NAA20: variants seen among roughly 807,000 people sequenced by gnomAD.
The protein encoded by NAA20 is N-alpha-acetyltransferase 20.
A neutral mutation model predicts 23.8 loss-of-function variants in NAA20; 24 were observed. That is an observed-to-expected ratio of 1.01 (90% CI 0.73 to 1.42). The LOEUF is 1.42. NAA20 is among the 40% of genes most tolerant of loss of function. The pLI is 0.00. For synonymous variants in NAA20, 83 were observed against 77.7 expected (o/e 1.07, Z -0.36); for missense variants, 166 against 223.1 (o/e 0.74, Z 1.63).
At chr20:20,018,009 G>A (rs2043243099) in intron 1 of NAA20, 2 of 1,614,118 alleles carry the variant, frequency 1.2e-6, no homozygotes, top group Non-Finnish European at 1.7e-6. Context: ...ACTGATCACT[G>A]CGTCCCCTGC....
intron 1 of NAA20, chr20:20,018,010 C>A (rs755543439): frequency 1.9e-6 from 3 of 1,614,060 alleles, no homozygotes; most frequent in African/African-American, 2.7e-5. Context: ...CTGATCACTG[C>A]GTCCCCTGCA....
chr20:20,017,968 C>T, intron 1 of NAA20: 4 of 1,613,966 alleles, frequency 2.5e-6, no homozygotes, highest in East Asian at 4.5e-5. Context: ...CACCTGGTGG[C>T]CGTGGTTAAA....
intron 1 of NAA20, chr20:20,017,902 G>T: frequency 1.2e-6 from 2 of 1,602,808 alleles, no homozygotes; most frequent in South Asian, 1.1e-5. Context: ...CGCAGAGGGG[G>T]CTTGCGAGGA....
chr20:20,017,510 A>G, intron 1 of NAA20, 61 bp downstream of exon 1: 3 of 1,558,952 alleles, frequency 1.9e-6, no homozygotes, highest in Admixed American at 1.9e-5. Flanking sequence ...CGGCCCCGCC[A>G]GCTCCGGCCC....
At chr20:20,017,996 GAC>G in intron 1 of NAA20, 1 of 1,614,194 alleles carries the variant, frequency 6.2e-7, no homozygotes, top group Non-Finnish European at 8.5e-7. Flanking sequence ...CAAATGAAAT[GAC>G]ACTGATCACT....
At chr20:20,029,422 G>C (rs1181508959) in intron 4 of NAA20, among the ~76,000 whole-genome samples, 1 of 152,016 alleles carries the variant, frequency 6.6e-6, no homozygotes, top group African/African-American at 2.4e-5. Flanking sequence ...TTCCAGACCA[G>C]TCTGGCCAAC....
chr20:20,023,664 C>T (rs116746830), intron 2 of NAA20, among the ~76,000 whole-genome samples: 1,690 of 152,206 alleles, frequency 0.011, 35 homozygotes, highest in African/African-American at 0.037. Context: ...TTCTGCTAAC[C>T]GGTAATTTAT....
At chr20:20,022,515 A>T in intron 2 of NAA20, 35 bp downstream of exon 2, 1 of 1,501,826 alleles carries the variant, frequency 6.7e-7, no homozygotes, top group African/African-American at 1.4e-5. Context: ...AAGTTGAATG[A>T]AGATTTACTG....
rs2043303006 is a variant in NAA20, at chr20:20,025,826, A to G, written c.169+59A>G. The G allele has an allele frequency of 4.5e-6, 5 of 1,118,020 alleles. No individual in the cohort carries two copies. The Admixed American group carries it at 5.1e-5, about 11-fold the overall frequency. The allele number at this position is 1,118,020 out of a possible 1,614,324, so 69.3% of individuals were successfully genotyped here. ...GGTAAAGATTTTAATATAGATTTCA[A>G]CTGATTGCTTTAGACTGCAGAATTG... On this transcript the variant is annotated intron_variant, in intron 3 of 5. Coordinates refer to ENST00000334982, the MANE Select transcript of NAA20 (RefSeq NM_016100.5).
At chr20:20,023,399 C>T (rs963520109) in intron 2 of NAA20, among the ~76,000 whole-genome samples, 1 of 152,012 alleles carries the variant, frequency 6.6e-6, no homozygotes, top group African/African-American at 2.4e-5. Flanking sequence ...TCATGCTTCA[C>T]CTGTCTACTG....
chr20:20,018,253 T>C, intron 1 of NAA20: 2 of 608,088 alleles, frequency 3.3e-6, no homozygotes, highest in East Asian at 5.6e-5. Flanking sequence ...TTCCCACACA[T>C]TTAGAAAAGT....
At chr20:20,032,719 A>T (rs2043355171) in intron 5 of NAA20, 66 bp downstream of exon 5, 1 of 1,484,502 alleles carries the variant, frequency 6.7e-7, no homozygotes, top group Admixed American at 2.5e-5. Flanking sequence ...TACAGATTGT[A>T]GTATTTGATT....
intron 1 of NAA20, 125 bp downstream of exon 1, chr20:20,017,574 A>AC: frequency 2.2e-6 from 3 of 1,354,740 alleles, no homozygotes; most frequent in Non-Finnish European, 1.9e-6. Flanking sequence ...CGCGAGAACC[A>AC]CCCCCCGCCG....
chr20:20,017,478 C>T, intron 1 of NAA20, 29 bp downstream of exon 1: 1 of 1,589,958 alleles, frequency 6.3e-7, no homozygotes, highest in Non-Finnish European at 8.5e-7. Flanking sequence ...GGGCCAGCCG[C>T]TCTTGGCCGG....
chr20:20,025,603 CT>C, intron 2 of NAA20, 73 bp from the exon 3 acceptor site: 8 of 1,143,210 alleles, frequency 7.0e-6, no homozygotes, highest in Non-Finnish European at 1.1e-5. Flanking sequence ...TTAAAGGAAA[CT>C]TTTTTTACAA....
At chr20:20,020,868 G>A (rs190196221) in intron 1 of NAA20, among the ~76,000 whole-genome samples, 3 of 152,266 alleles carry the variant, frequency 2.0e-5, no homozygotes, top group East Asian at 3.9e-4. Context: ...CATCATATTT[G>A]TACATTTCTT....
intron 3 of NAA20, 70 bp downstream of exon 3, chr20:20,025,837 T>G (rs142504441): frequency 8.5e-5 from 85 of 996,834 alleles, no homozygotes; most frequent in Non-Finnish European, 7.3e-5. Flanking sequence ...CTGATTGCTT[T>G]AGACTGCAGA....
rs2043308975 is a variant in NAA20, at chr20:20,026,726, A to G, written c.170-58A>G. Reference sequence around the variant, plus strand: ...TAAAAACATACTGAACAGTAATTCTATATTTATGTGTAAATCAATGTCTAG... The same window carrying G: ...TAAAAACATACTGAACAGTAATTCTGTATTTATGTGTAAATCAATGTCTAG... On this transcript the variant is annotated intron_variant, in intron 3 of 5. Coordinates refer to ENST00000334982, the MANE Select transcript of NAA20 (RefSeq NM_016100.5). 12 of 1,597,172 alleles carry G rather than the reference A, an allele frequency of 7.5e-6. No homozygotes were observed. In the South Asian group the frequency reaches 8.9e-5, roughly 12 times the overall value.
chr20:20,032,639 A>C lies in NAA20; in HGVS notation c.437A>C (p.Asp146Ala), dbSNP rs2043353990. The change falls in exon 5 of 6, where the codon GAT becomes GCT. Residue 146 changes from aspartate to alanine, a missense_variant. Coordinates refer to ENST00000334982, the MANE Select transcript of NAA20 (RefSeq NM_016100.5). ...TATTCGGCCAGCAACGGGGAGCCTG[A>C]TGAGGACGCTTATGGTAAGCTCCCT... ...EYYSASNGEP[D>A]EDAYDMRKAL... 6.2e-7 allele frequency: 1 copy of C among 1,603,452 alleles called. No homozygotes were observed. The highest frequency in any genetic ancestry group is 8.5e-7 in the Non-Finnish European group (1 of 1,175,770).
Sources: allele counts gnomAD v4.1 joint callset (sites outside exome capture counted in the v4.1 genomes callset), GRCh38; gene constraint gnomAD v4.1.1; transcripts MANE v1.5; gene names NCBI Gene and HGNC (gene_info 2026-07-23, HGNC 2026-07-21).